The following GRIK1 variants were observed in gnomAD, a reference collection of about 807,000 sequenced individuals.
GRIK1 encodes glutamate receptor ionotropic, kainate 1.
GRIK1 carries 69 observed loss-of-function variants against 105.7 expected under a neutral mutation model. That is an observed-to-expected ratio of 0.65 (90% CI 0.54 to 0.80). The LOEUF (loss-of-function observed/expected upper bound fraction) is 0.80. GRIK1 is among the 30% of genes least tolerant of loss of function. The pLI is 0.00. For synonymous variants in GRIK1, 438 were observed against 431.3 expected (o/e 1.02, Z -0.19); for missense variants, 1,109 against 1,167.3 (o/e 0.95, Z 0.73).
At chr21:29,912,927 C>T (rs2070869404) in intron 1 of GRIK1, among the ~76,000 whole-genome samples, 1 of 152,070 alleles carries the variant, frequency 6.6e-6, no homozygotes. Context: ...ATCAAGTTCA[C>T]TTAGCCAATG....
chr21:29,654,713 C>A, intron 5 of GRIK1, 97 bp downstream of exon 5: 1 of 774,272 alleles, frequency 1.3e-6, no homozygotes, highest in South Asian at 1.4e-5. Flanking sequence ...GTCTCCATGA[C>A]AATATCCTGC....
intron 4 of GRIK1, 83 bp downstream of exon 4, chr21:29,672,900 A>T (rs775600270): frequency 3.8e-5 from 36 of 951,066 alleles, no homozygotes; most frequent in Non-Finnish European, 5.7e-5. Context: ...ATTATGCTGC[A>T]TTAAGTGAAA....
At chr21:29,597,265 T>A (rs2061433078) in intron 8 of GRIK1, among the ~76,000 whole-genome samples, 1 of 152,136 alleles carries the variant, frequency 6.6e-6, no homozygotes, top group African/African-American at 2.4e-5. Context: ...AATGAAGAGA[T>A]AAGAAACCAA....
At chr21:29,546,673 G>C (rs1253533097) in intron 16 of GRIK1, among the ~76,000 whole-genome samples, 3 of 152,166 alleles carry the variant, frequency 2.0e-5, no homozygotes, top group Non-Finnish European at 4.4e-5. Context: ...TCCAACCTTA[G>C]CCTTTTGGGT....
At chr21:29,751,231 A>G (rs2065193112) in intron 1 of GRIK1, among the ~76,000 whole-genome samples, 1 of 152,200 alleles carries the variant, frequency 6.6e-6, no homozygotes, top group South Asian at 2.1e-4. Flanking sequence ...GGCCTGACAG[A>G]TACAACATTT....
intron 9 of GRIK1, among the ~76,000 whole-genome samples, chr21:29,594,166 C>G (rs956688829): frequency 6.9e-6 from 1 of 145,920 alleles, no homozygotes; most frequent in African/African-American, 2.7e-5. Flanking sequence ...AACCTGTAAT[C>G]AGCAAAACAG....
chr21:29,631,835 ACT>A lies in GRIK1; in HGVS notation c.1098+10989_1098+10990del, dbSNP rs757508446. On this transcript the variant is annotated intron_variant, in intron 7 of 17. Coordinates refer to ENST00000327783, the MANE Select transcript of GRIK1 (RefSeq NM_001330994.2). ...TTTACTTTCAATGTGGCTACTAAAA[ACT>A]CTAATATATATGCAACTCACATTAT... is the stretch of plus-strand genomic sequence containing the variant. 3.9e-5 allele frequency among the ~76,000 whole-genome samples: 6 copies of A among 152,244 alleles called. No individual in the cohort carries two copies. The South Asian group carries it at 1.2e-3, about 32-fold the overall frequency.
chr21:29,543,253 G>T (rs912209845), intron 16 of GRIK1, among the ~76,000 whole-genome samples: 1 of 152,072 alleles, frequency 6.6e-6, no homozygotes, highest in African/African-American at 2.4e-5. Context: ...ACCTAGGATG[G>T]TTTGAGGATA....
At chr21:29,646,835 C>G (rs1601362052) in intron 6 of GRIK1, among the ~76,000 whole-genome samples, 3 of 151,128 alleles carry the variant, frequency 2.0e-5, no homozygotes, top group Admixed American at 6.6e-5. Flanking sequence ...CAGAATATCT[C>G]TTGTTCTTTC....
intron 1 of GRIK1, among the ~76,000 whole-genome samples, chr21:29,878,943 C>A (rs1218885108): frequency 3.9e-5 from 6 of 152,170 alleles, no homozygotes; most frequent in Admixed American, 2.6e-4. Context: ...ACTTCCCAGC[C>A]TCTGAATCTA....
At chr21:29,739,920 A>G (rs1219742914) in intron 1 of GRIK1, among the ~76,000 whole-genome samples, 1 of 152,076 alleles carries the variant, frequency 6.6e-6, no homozygotes, top group East Asian at 1.9e-4. Context: ...TGTTTTTATG[A>G]TTTGGAGATG....
At chr21:29,848,009 A>G (rs183788657) in intron 1 of GRIK1, among the ~76,000 whole-genome samples, 1 of 152,148 alleles carries the variant, frequency 6.6e-6, no homozygotes, top group East Asian at 1.9e-4. Context: ...AACTAGTAGT[A>G]GCATTTATAC....
intron 7 of GRIK1, among the ~76,000 whole-genome samples, chr21:29,639,072 C>T (rs989620735): frequency 4.6e-5 from 7 of 152,186 alleles, no homozygotes; most frequent in Non-Finnish European, 5.9e-5. Context: ...ACTCTCCTAT[C>T]GAAACCTATG....
chr21:29,828,011 C>CTCTGTCTCTG (rs1218773356), intron 1 of GRIK1, among the ~76,000 whole-genome samples: 1 of 76,508 alleles, frequency 1.3e-5, no homozygotes, highest in African/African-American at 3.2e-5. Context: ...CTGTCTCTCT[C>CTCTGTCTCTG]TGTGTGTGTG....
At chr21:29,905,956 TG>T (rs1453125676) in intron 1 of GRIK1, among the ~76,000 whole-genome samples, 2,871 of 152,000 alleles carry the variant, frequency 0.019, 105 homozygotes, top group African/African-American at 0.066. Context: ...TTTGTTTGTT[TG>T]TTTGTTTTAA....
chr21:29,705,362 C>T (rs1473164531), intron 1 of GRIK1, among the ~76,000 whole-genome samples: 1 of 152,218 alleles, frequency 6.6e-6, no homozygotes, highest in Non-Finnish European at 1.5e-5. Flanking sequence ...AAAATTCACA[C>T]TACACAATGA....
chr21:29,895,625 G>A (rs925634693), intron 1 of GRIK1, among the ~76,000 whole-genome samples: 1 of 152,166 alleles, frequency 6.6e-6, no homozygotes, highest in Non-Finnish European at 1.5e-5. Flanking sequence ...CAGATGTAAT[G>A]AACATTCACG....
At chr21:29,730,259 T>A (rs996945402) in intron 1 of GRIK1, among the ~76,000 whole-genome samples, 48 of 152,232 alleles carry the variant, frequency 3.2e-4, no homozygotes, top group African/African-American at 4.3e-4. Context: ...TGTATTTTTT[T>A]AAATAATACC....
chr21:29,840,479 G>C (rs1211229550), intron 1 of GRIK1, among the ~76,000 whole-genome samples: 1 of 152,030 alleles, frequency 6.6e-6, no homozygotes, highest in Non-Finnish European at 1.5e-5. Flanking sequence ...ATCAAGGGGA[G>C]GATGAGGCAC....
Sources: gnomAD v4.1 joint callset for allele counts (sites outside exome capture counted in the v4.1 genomes callset) on GRCh38, gnomAD v4.1.1 for gene constraint, MANE v1.5 for transcripts, NCBI Gene and HGNC (gene_info 2026-07-23, HGNC 2026-07-21) for gene names.